Variants in TLCD3B observed in about 807,000 individuals in gnomAD.
TLCD3B encodes the protein ceramide synthase.
A neutral mutation model predicts 23.0 loss-of-function variants in TLCD3B; 9 were observed. That is an observed-to-expected ratio of 0.39 (90% CI 0.24 to 0.68). TLCD3B has a LOEUF of 0.68. Ranked by LOEUF, TLCD3B falls within the 30% of genes least tolerant of loss-of-function variation. The probability of loss-of-function intolerance (pLI) is 0.44; values close to 1 mark genes in which losing one functional copy is unlikely to be tolerated. For missense variants in TLCD3B, 307 were observed against 371.8 expected (o/e 0.83, Z 1.43); for synonymous variants, 161 against 161.0 (o/e 1.00, Z 0.00).
chr16:30,045,404 GGTGTGTGGTGTGTTTGTGTAGT>G lies in TLCD3B; in HGVS notation c.-229+897_-229+918del, dbSNP rs2071651756. Reference sequence around the variant, plus strand: ...TGGTGTGCGTGGGTATGGTGTGTGTGGTGTGTGGTGTGTTTGTGTAGTGTGTGTGGTGTGTGTGTGGTGCATG... The same window carrying G: ...TGGTGTGCGTGGGTATGGTGTGTGTGGTGTGTGGTGTGTGTGTGGTGCATG... On this transcript the variant is annotated intron_variant, in intron 2 of 6. Coordinates refer to the TLCD3B transcript ENST00000561666. Among the ~76,000 whole-genome samples the G allele has an allele frequency of 2.9e-5, 4 of 139,996 alleles. No homozygotes were observed. The South Asian group carries it at 9.6e-4, about 34-fold the overall frequency. 91.8% of individuals were successfully genotyped at this position (139,996 alleles called of 152,430 possible).
intron 1 of TLCD3B, among the ~76,000 whole-genome samples, chr16:30,052,347 G>A (rs2071773799): frequency 6.6e-6 from 1 of 151,918 alleles, no homozygotes. Flanking sequence ...CAGCCTGGGA[G>A]ATGAGCGAAA....
chr16:30,026,917 G>C, intron 2 of TLCD3B, 74 bp from the exon 3 acceptor site: 1 of 1,280,746 alleles, frequency 7.8e-7, no homozygotes, highest in Non-Finnish European at 1.1e-6. Flanking sequence ...GATCTCAGGG[G>C]TCAGCACAGC....
intron 2 of TLCD3B, among the ~76,000 whole-genome samples, chr16:30,042,154 C>T (rs1596773094): frequency 2.0e-5 from 3 of 152,038 alleles, no homozygotes; most frequent in Non-Finnish European, 4.4e-5. Flanking sequence ...CCCTTGGGGG[C>T]GATATTATAC....
At chr16:30,035,283 C>T, upstream of TLCD3B, 3 of 1,274,832 alleles carry the variant, frequency 2.4e-6, no homozygotes, top group Non-Finnish European at 3.1e-6. Flanking sequence ...CAAACTCATT[C>T]TGAAAGTAAA....
chr16:30,041,233 GA>G (rs1305999378), intron 2 of TLCD3B: 1 of 152,042 alleles, frequency 6.6e-6, no homozygotes, highest in African/African-American at 2.4e-5. Context: ...TGACCCACAA[GA>G]GATATCTTTT....
At chr16:30,035,547 C>T (rs1038580121), upstream of TLCD3B, 5 of 1,265,892 alleles carry the variant, frequency 3.9e-6, no homozygotes, top group Non-Finnish European at 5.1e-6. Flanking sequence ...TCAGACCCCC[C>T]AGCAGCCTTC....
chr16:30,027,948 C>T lies in TLCD3B; in HGVS notation c.210-1105G>A, dbSNP rs139712201. On this transcript the variant is annotated intron_variant, in intron 2 of 4. Coordinates refer to ENST00000380495, the MANE Select transcript of TLCD3B (RefSeq NM_031478.6). ...CTGAGGATGGGGAGCCTGAGGCAGG[C>T]GGCCTGTGAGTGGAGCCAACCCATT... 4.1e-3 allele frequency among the ~76,000 whole-genome samples: 631 copies of T among 152,242 alleles called. 5 individuals carry two copies. The highest frequency in any genetic ancestry group is 0.015 in the African/African-American group (614 of 41,526).
chr16:30,030,557 G>A lies in TLCD3B; in HGVS notation c.-30C>T. The A allele has an allele frequency of 1.9e-6, 3 of 1,549,386 alleles. No individual in the cohort carries two copies. The highest frequency in any genetic ancestry group is 1.7e-6 in the Non-Finnish European group (2 of 1,152,556). Reference sequence around the variant, plus strand: ...GCTCAGGACTTGGGCAGGGAGGCAGGCGGGCCGTGAAGGGGCAGGGAGGCC... The same window carrying A: ...GCTCAGGACTTGGGCAGGGAGGCAGACGGGCCGTGAAGGGGCAGGGAGGCC... On this transcript the variant is annotated 5_prime_UTR_variant, in exon 1 of 5. Transcript: ENST00000380495.
At chr16:30,031,575 G>A (rs1315952297), upstream of TLCD3B, among the ~76,000 whole-genome samples, 4 of 152,234 alleles carry the variant, frequency 2.6e-5, no homozygotes, top group African/African-American at 4.8e-5. Flanking sequence ...CCATTCCAGC[G>A]GAAGAGAGCG....
At chr16:30,035,417 C>T (rs756881907), upstream of TLCD3B, 19 of 1,289,622 alleles carry the variant, frequency 1.5e-5, no homozygotes, top group East Asian at 1.1e-4. Context: ...CAAGCCCCAG[C>T]GCAGGGCAGT....
chr16:30,045,301 G>A (rs1321068120), intron 2 of TLCD3B, among the ~76,000 whole-genome samples: 1 of 142,636 alleles, frequency 7.0e-6, no homozygotes, highest in Non-Finnish European at 1.5e-5. Context: ...GGGTGTGTGT[G>A]GGGTGGGTGT....
chr16:30,027,457 AC>A, intron 2 of TLCD3B: 1 of 416,900 alleles, frequency 2.4e-6, no homozygotes, highest in South Asian at 1.7e-5. Flanking sequence ...GTGTGGCTCC[AC>A]AGCCCTCACT....
intron 1 of TLCD3B, among the ~76,000 whole-genome samples, chr16:30,051,626 T>C (rs185814907): frequency 6.6e-5 from 10 of 151,868 alleles, no homozygotes; most frequent in African/African-American, 2.4e-4. Context: ...GTACTAGAGC[T>C]CAGGATACGG....
intron 1 of TLCD3B, among the ~76,000 whole-genome samples, chr16:30,050,639 G>C (rs1419160112): frequency 6.6e-6 from 1 of 152,212 alleles, no homozygotes. Context: ...CTAGACTTCT[G>C]TTTTCTGGGC....
intron 3 of TLCD3B, among the ~76,000 whole-genome samples, chr16:30,039,846 A>G (rs1402630708): frequency 3.3e-5 from 5 of 150,830 alleles, no homozygotes; most frequent in African/African-American, 1.2e-4. Flanking sequence ...AAGTTAAACC[A>G]AGAGCGGCCA....
intron 2 of TLCD3B, chr16:30,027,796 G>A (rs1021812270): frequency 2.5e-6 from 1 of 395,946 alleles, no homozygotes; most frequent in African/African-American, 2.1e-5. Flanking sequence ...GGGGCAGGAG[G>A]TCAGAGAGGC....
chr16:30,037,195 CAGG>C (rs2071490673), intron 3 of TLCD3B, among the ~76,000 whole-genome samples: 2 of 151,422 alleles, frequency 1.3e-5, no homozygotes, highest in South Asian at 4.2e-4. Flanking sequence ...CACTTGAGGC[CAGG>C]AGTTCAAGAC....
intron 3 of TLCD3B, chr16:30,040,898 C>G (rs1261091009): frequency 6.6e-6 from 1 of 152,464 alleles, no homozygotes; most frequent in Non-Finnish European, 1.5e-5. Context: ...TGGGCTCAAG[C>G]GATCCTCCTG....
chr16:30,039,103 CTTTTTTTTTTTT>C lies in TLCD3B; in HGVS notation c.-67+1880_-67+1891del, dbSNP rs1018184417. Among the ~76,000 whole-genome samples, 18 of 99,638 alleles carry C rather than the reference CTTTTTTTTTTTT, an allele frequency of 1.8e-4. No homozygotes were observed. The East Asian group carries it at 1.9e-3, about 10-fold the overall frequency. The allele number at this position is 99,638 out of a possible 152,430, so 65.4% of individuals were successfully genotyped here. A position where few individuals can be genotyped will look rare whatever the true frequency, so the allele number is the denominator to read the frequency against. ...TTATCCTTCTCCTCCTCCTTCCTCT[CTTTTTTTTTTTT>C]TTTTTTTTTTTTTTTTTTAGATGGA... On this transcript the variant is annotated intron_variant, in intron 3 of 6. Coordinates refer to the TLCD3B transcript ENST00000561666.
Sources: gnomAD v4.1 joint callset for allele counts (sites outside exome capture counted in the v4.1 genomes callset) on GRCh38, gnomAD v4.1.1 for gene constraint, MANE v1.5 for transcripts, NCBI Gene and HGNC (gene_info 2026-07-23, HGNC 2026-07-21) for gene names.